The following RFX3 variants were observed in gnomAD, a reference collection of about 807,000 sequenced individuals.
The protein encoded by RFX3 is regulatory factor X3.
In RFX3, 14 loss-of-function variants were observed where a neutral mutation model predicts 98.6. The observed-to-expected ratio is 0.14, with a 90% confidence interval of 0.09 to 0.22. RFX3 has a LOEUF of 0.22. Ranked by LOEUF, RFX3 falls within the 10% of genes least tolerant of loss-of-function variation. The pLI, the probability that RFX3 is intolerant of heterozygous loss-of-function variation, is 1.00. For synonymous variants in RFX3, 383 were observed against 328.4 expected (o/e 1.17, Z -1.80); for missense variants, 639 against 926.9 (o/e 0.69, Z 4.03).
chr9:3,240,794 T>C (rs571094066), intron 15 of RFX3, among the ~76,000 whole-genome samples: 1 of 152,276 alleles, frequency 6.6e-6, no homozygotes, highest in South Asian at 2.1e-4. Context: ...AAAACCACCA[T>C]AAAGACAGTG....
chr9:3,507,721 CTA>C (rs772143961), intron 1 of RFX3, among the ~76,000 whole-genome samples: 14 of 151,922 alleles, frequency 9.2e-5, no homozygotes, highest in Non-Finnish European at 2.1e-4. Context: ...TAAATCATCT[CTA>C]GATTAATTAT....
At chr9:3,402,778 A>C (rs1841592779) in intron 1 of RFX3, among the ~76,000 whole-genome samples, 1 of 151,890 alleles carries the variant, frequency 6.6e-6, no homozygotes, top group South Asian at 2.1e-4. Context: ...TAAGATTTCT[A>C]TTAAAATTAA....
At chr9:3,353,876 G>C (rs1835442671) in intron 2 of RFX3, among the ~76,000 whole-genome samples, 1 of 151,968 alleles carries the variant, frequency 6.6e-6, no homozygotes, top group Admixed American at 6.6e-5. Flanking sequence ...TGAAATGATA[G>C]AAATGAACTA....
chr9:3,309,965 G>C (rs1000277457), intron 4 of RFX3, among the ~76,000 whole-genome samples: 1 of 152,180 alleles, frequency 6.6e-6, no homozygotes, highest in African/African-American at 2.4e-5. Context: ...AGAATAAAAG[G>C]ACAGAGTGGG....
intron 2 of RFX3, among the ~76,000 whole-genome samples, chr9:3,374,236 A>G (rs1403135799): frequency 6.6e-6 from 1 of 152,206 alleles, no homozygotes; most frequent in African/African-American, 2.4e-5. Flanking sequence ...GGGATGTGAA[A>G]TGGTATAGCT....
At chr9:3,332,643 C>T (rs931239552) in intron 3 of RFX3, among the ~76,000 whole-genome samples, 6 of 152,134 alleles carry the variant, frequency 3.9e-5, no homozygotes, top group African/African-American at 1.4e-4. Flanking sequence ...TTCTCTCTTG[C>T]CTTCAGAAAA....
intron 1 of RFX3, among the ~76,000 whole-genome samples, chr9:3,417,437 C>G (rs896747291): frequency 1.3e-5 from 2 of 151,968 alleles, no homozygotes; most frequent in South Asian, 2.1e-4. Flanking sequence ...ACAAACAAAT[C>G]TCAATGAATT....
At chr9:3,350,749 T>C (rs575692400) in intron 2 of RFX3, among the ~76,000 whole-genome samples, 1 of 152,246 alleles carries the variant, frequency 6.6e-6, no homozygotes, top group African/African-American at 2.4e-5. Flanking sequence ...AATAATGGAA[T>C]ATTATTCTGC....
intron 1 of RFX3, among the ~76,000 whole-genome samples, chr9:3,524,081 TAGAA>T (rs143628325): frequency 0.023 from 3,504 of 152,320 alleles, 61 homozygotes; most frequent in Middle Eastern, 0.041. Flanking sequence ...TGTTTGCTGT[TAGAA>T]AGAAGACTAT....
intron 1 of RFX3, chr9:3,469,004 A>G: frequency 3.3e-6 from 1 of 306,170 alleles, no homozygotes; most frequent in Non-Finnish European, 6.6e-6. Flanking sequence ...CGTAATACCC[A>G]CTCTCTAATT....
chr9:3,337,412 T>C (rs1587149244), intron 3 of RFX3, among the ~76,000 whole-genome samples: 2 of 152,358 alleles, frequency 1.3e-5, no homozygotes, highest in South Asian at 2.1e-4. Flanking sequence ...ACAAATATTT[T>C]TAAGCCAGGT....
intron 1 of RFX3, among the ~76,000 whole-genome samples, chr9:3,406,743 A>G (rs1287016973): frequency 6.6e-6 from 1 of 152,166 alleles, no homozygotes; most frequent in East Asian, 1.9e-4. Flanking sequence ...TATATTACAG[A>G]CATTTTTAAT....
At chr9:3,497,446 A>C (rs1270521874) in intron 1 of RFX3, among the ~76,000 whole-genome samples, 2 of 151,994 alleles carry the variant, frequency 1.3e-5, no homozygotes, top group Non-Finnish European at 2.9e-5. Context: ...ACTTCCAAAA[A>C]TTAGAGTTTT....
At position 3,392,174 on chromosome 9, in the gene RFX3, G is replaced by A. The variant is rs75450921; in HGVS notation, c.117+3298C>T. On this transcript the variant is annotated intron_variant, in intron 2 of 16. Coordinates refer to ENST00000617270, the MANE Select transcript of RFX3 (RefSeq NM_001282116.2). Reference sequence around the variant, plus strand: ...GACTCACTCATGCATTCAAATCAGCGTCTTATATCCACATTTTAAAATATG... The same window carrying A: ...GACTCACTCATGCATTCAAATCAGCATCTTATATCCACATTTTAAAATATG... Among the ~76,000 whole-genome samples, 20 of 152,094 alleles carry A rather than the reference G, an allele frequency of 1.3e-4. No homozygotes were observed. The East Asian group carries it at 1.9e-3, about 15-fold the overall frequency.
At chr9:3,280,384 C>G (rs1270896719) in intron 7 of RFX3, among the ~76,000 whole-genome samples, 1 of 151,700 alleles carries the variant, frequency 6.6e-6, no homozygotes, top group African/African-American at 2.4e-5. Context: ...TGAATCATGT[C>G]ATGGTATATC....
intron 1 of RFX3, among the ~76,000 whole-genome samples, chr9:3,399,187 C>T (rs766610391): frequency 6.6e-6 from 1 of 151,002 alleles, no homozygotes. Flanking sequence ...GTAATCCCAA[C>T]ACTTTGGGAG....
At chr9:3,311,443 G>T (rs939451859) in intron 4 of RFX3, among the ~76,000 whole-genome samples, 2 of 152,152 alleles carry the variant, frequency 1.3e-5, no homozygotes, top group South Asian at 2.1e-4. Context: ...GAAGAGGAGG[G>T]TACATCCTAT....
intron 1 of RFX3, among the ~76,000 whole-genome samples, chr9:3,450,161 G>A (rs745424963): frequency 1.2e-4 from 19 of 152,114 alleles, no homozygotes; most frequent in Non-Finnish European, 2.2e-4. Flanking sequence ...TTTCAAAAAG[G>A]TTCATCAGTA....
At chr9:3,286,797 T>C (rs975232255) in intron 7 of RFX3, among the ~76,000 whole-genome samples, 1 of 151,962 alleles carries the variant, frequency 6.6e-6, no homozygotes, top group African/African-American at 2.4e-5. Flanking sequence ...CCTTCTGTAA[T>C]ACCAGCCTCA....
Sources: gnomAD v4.1 joint callset for allele counts (sites outside exome capture counted in the v4.1 genomes callset) on GRCh38, gnomAD v4.1.1 for gene constraint, MANE v1.5 for transcripts, NCBI Gene and HGNC (gene_info 2026-07-23, HGNC 2026-07-21) for gene names.